Variants in DCDC1 observed in about 807,000 individuals in gnomAD.
The protein encoded by DCDC1 is doublecortin domain-containing protein 1.
A neutral mutation model predicts 178.3 loss-of-function variants in DCDC1; 200 were observed. The observed-to-expected ratio is 1.12, with a 90% CI of 1.00 to 1.26. The LOEUF (loss-of-function observed/expected upper bound fraction) is 1.26, where lower values mean the gene tolerates loss of function less well. Among genes scored for constraint, DCDC1 ranks in the 50% most tolerant of loss-of-function variants. The probability of loss-of-function intolerance (pLI) is 0.00; values close to 1 mark genes in which losing one functional copy is unlikely to be tolerated. For synonymous variants in DCDC1, 690 were observed against 604.8 expected (o/e 1.14, Z -2.07); for missense variants, 1,983 against 1,749.2 (o/e 1.13, Z -2.38).
chr11:31,110,559 A>ACAGC (rs1261296362), intron 11 of DCDC1, among the ~76,000 whole-genome samples, 198 bp from the exon 12 acceptor site: 1 of 152,170 alleles, frequency 6.6e-6, no homozygotes, highest in Non-Finnish European at 1.5e-5. Flanking sequence ...AATGGAATCA[A>ACAGC]CAGCACTAAA....
intron 25 of DCDC1, among the ~76,000 whole-genome samples, chr11:30,918,155 C>G (rs1187196977): frequency 6.6e-6 from 1 of 151,854 alleles, no homozygotes; most frequent in Admixed American, 6.6e-5. Flanking sequence ...TTAGTTTTAA[C>G]AAAGTTAGCA....
chr11:31,334,510 T>A (rs957999544), intron 2 of DCDC1, among the ~76,000 whole-genome samples: 1 of 152,190 alleles, frequency 6.6e-6, no homozygotes, highest in Non-Finnish European at 1.5e-5. Context: ...CCCTCCATCT[T>A]TGTGGTTTTA....
chr11:31,278,686 TG>T (rs1437286049), intron 7 of DCDC1, among the ~76,000 whole-genome samples: 3 of 152,094 alleles, frequency 2.0e-5, no homozygotes, highest in African/African-American at 7.2e-5. Flanking sequence ...GACAAAAAAA[TG>T]ATAAGTATCT....
At chr11:30,919,663 T>G (rs1465506802) in intron 25 of DCDC1, among the ~76,000 whole-genome samples, 1 of 152,150 alleles carries the variant, frequency 6.6e-6, no homozygotes, top group Non-Finnish European at 1.5e-5. Flanking sequence ...CCTTTGTTAG[T>G]GTCAGTCATA....
intron 6 of DCDC1, among the ~76,000 whole-genome samples, chr11:31,303,833 C>A (rs1486125129): frequency 6.6e-6 from 1 of 152,108 alleles, no homozygotes; most frequent in East Asian, 1.9e-4. Flanking sequence ...ACATCTGCCA[C>A]CTGCTCTACT....
At chr11:30,918,010 A>G (rs1412021944) in intron 25 of DCDC1, among the ~76,000 whole-genome samples, 1 of 149,512 alleles carries the variant, frequency 6.7e-6, no homozygotes, top group Admixed American at 6.6e-5. Flanking sequence ...CAGGCAGCAC[A>G]AGCGGCTTCT....
At chr11:30,923,135 T>C (rs1946362606) in intron 23 of DCDC1, among the ~76,000 whole-genome samples, 1 of 152,126 alleles carries the variant, frequency 6.6e-6, no homozygotes, top group African/African-American at 2.4e-5. Context: ...TCTGGTCCCC[T>C]GCCTGTTTTT....
chr11:30,986,336 CT>C (rs1165693386), intron 20 of DCDC1, among the ~76,000 whole-genome samples: 272 of 139,824 alleles, frequency 1.9e-3, no homozygotes, highest in Non-Finnish European at 2.2e-3. Context: ...TTCTCTCTCT[CT>C]TTTTTTTTTT....
chr11:30,925,432 G>T (rs753770508), intron 22 of DCDC1, 24 bp from the exon 23 acceptor site: 1 of 1,602,416 alleles, frequency 6.2e-7, no homozygotes, highest in Non-Finnish European at 8.5e-7. Flanking sequence ...CACAAAAATT[G>T]ACCTTGCATA....
intron 18 of DCDC1, among the ~76,000 whole-genome samples, chr11:31,072,863 C>A (rs2135532718): frequency 6.6e-6 from 1 of 152,196 alleles, no homozygotes; most frequent in South Asian, 2.1e-4. Context: ...TTAATAGCTC[C>A]ATTTTCCAGA....
At chr11:30,983,449 T>C (rs553841289) in intron 20 of DCDC1, among the ~76,000 whole-genome samples, 1 of 152,370 alleles carries the variant, frequency 6.6e-6, no homozygotes, top group South Asian at 2.1e-4. Context: ...ATAGCACTTT[T>C]AAGCCCATGC....
intron 21 of DCDC1, among the ~76,000 whole-genome samples, chr11:30,951,932 G>C (rs181055209): frequency 5.3e-5 from 8 of 152,164 alleles, no homozygotes; most frequent in African/African-American, 1.7e-4. Flanking sequence ...TTAGACTACA[G>C]ACAAAAATTG....
intron 8 of DCDC1, among the ~76,000 whole-genome samples, chr11:31,242,393 C>T (rs184450924): frequency 5.3e-5 from 8 of 151,968 alleles, no homozygotes; most frequent in African/African-American, 1.9e-4. Flanking sequence ...AATAACATGG[C>T]AGCTAGCTAA....
At chr11:31,206,781 A>G (rs917155395) in intron 9 of DCDC1, among the ~76,000 whole-genome samples, 1 of 152,164 alleles carries the variant, frequency 6.6e-6, no homozygotes, top group Non-Finnish European at 1.5e-5. Flanking sequence ...AATGGAGAAA[A>G]GATGAATTCC....
chr11:31,199,310 T>A (rs1029456033), intron 9 of DCDC1, among the ~76,000 whole-genome samples: 1 of 152,044 alleles, frequency 6.6e-6, no homozygotes, highest in African/African-American at 2.4e-5. Flanking sequence ...AATTTGCCTC[T>A]ATAATAAGCT....
chr11:31,054,053 G>C (rs1189081320), intron 20 of DCDC1, among the ~76,000 whole-genome samples: 1 of 151,968 alleles, frequency 6.6e-6, no homozygotes, highest in Non-Finnish European at 1.5e-5. Context: ...CTGATGATAT[G>C]ATTGTTTTAC....
At chr11:31,034,704 A>T (rs1290266125) in intron 20 of DCDC1, among the ~76,000 whole-genome samples, 1 of 152,152 alleles carries the variant, frequency 6.6e-6, no homozygotes, top group African/African-American at 2.4e-5. Context: ...AGTACACTCT[A>T]CAATGTTTGC....
chr11:31,288,038 T>C (rs1212138764), intron 7 of DCDC1, among the ~76,000 whole-genome samples: 1 of 151,762 alleles, frequency 6.6e-6, no homozygotes. Flanking sequence ...AATTATTAAC[T>C]ACTGGGAAAA....
In DCDC1 at chr11:30,871,006, G is replaced by A. The variant is rs533217704; in HGVS notation, c.*41-5674C>T. Among the ~76,000 whole-genome samples, 4 of 152,282 alleles carry A rather than the reference G, an allele frequency of 2.6e-5. No individual in the cohort carries two copies. In the East Asian group the frequency reaches 7.7e-4, roughly 29 times the overall value. On this transcript the variant is annotated intron_variant, in intron 38 of 38. Transcript: ENST00000684477. ...AAGATCAGTCTACACTGTTCCTTAC[G>A]TAGGGAAACTGTGCTTTGCATCATG...
Sources: allele counts gnomAD v4.1 joint callset (sites outside exome capture counted in the v4.1 genomes callset), GRCh38; gene constraint gnomAD v4.1.1; transcripts MANE v1.5; gene names NCBI Gene and HGNC (gene_info 2026-07-23, HGNC 2026-07-21).